Variants in NFIB observed in about 807,000 individuals in gnomAD.
The protein encoded by NFIB is nuclear factor I B, also known as nuclear factor 1 B-type.
A neutral mutation model predicts 61.5 loss-of-function variants in NFIB; 11 were observed. The ratio of observed to expected loss-of-function variants is 0.18; its 90% CI spans 0.11 to 0.30. The LOEUF (loss-of-function observed/expected upper bound fraction) is 0.30. NFIB is among the 10% of genes least tolerant of loss of function. The pLI is 1.00. For missense variants in NFIB, 471 were observed against 608.9 expected (o/e 0.77, Z 2.38); for synonymous variants, 260 against 216.5 (o/e 1.20, Z -1.76).
intron 2 of NFIB, among the ~76,000 whole-genome samples, chr9:14,299,072 T>C (rs2059609725): frequency 6.6e-6 from 1 of 152,208 alleles, no homozygotes; most frequent in East Asian, 1.9e-4. Flanking sequence ...AATTCACTAA[T>C]AGAGGGGTAT....
chr9:14,210,887 T>G (rs2050236941), intron 2 of NFIB, among the ~76,000 whole-genome samples: 1 of 152,182 alleles, frequency 6.6e-6, no homozygotes, highest in African/African-American at 2.4e-5. Flanking sequence ...AATAGCCGCA[T>G]CTCTTGTACA....
intron 2 of NFIB, among the ~76,000 whole-genome samples, chr9:14,199,381 T>C (rs964378443): frequency 6.6e-6 from 1 of 152,166 alleles, no homozygotes; most frequent in Admixed American, 6.5e-5. Flanking sequence ...GCCCAGCTAA[T>C]TGGCAACTCA....
chr9:14,154,371 G>A (rs1000537915), intron 4 of NFIB, among the ~76,000 whole-genome samples: 1 of 152,048 alleles, frequency 6.6e-6, no homozygotes, highest in Non-Finnish European at 1.5e-5. Context: ...AAGCCTTTCC[G>A]CTAAAGAAGA....
At chr9:14,352,002 C>T (rs10491777) in intron 1 of NFIB, among the ~76,000 whole-genome samples, 9,447 of 152,216 alleles carry the variant, frequency 0.062, 439 homozygotes, top group African/African-American at 0.13. Flanking sequence ...ACAGTTCTGA[C>T]GGAAGTATAT....
At chr9:14,153,338 T>C (rs1309141477) in intron 4 of NFIB, among the ~76,000 whole-genome samples, 1 of 152,046 alleles carries the variant, frequency 6.6e-6, no homozygotes, top group Non-Finnish European at 1.5e-5. Flanking sequence ...TGACAGAGTG[T>C]GTGGGAACAG....
chr9:14,455,404 T>C, the NFIB span, among the ~76,000 whole-genome samples: 1 of 152,206 alleles, frequency 6.6e-6, no homozygotes. Context: ...AAAAGTGGTA[T>C]GTCGCAATAG....
chr9:14,083,949 C>T lies in NFIB; in HGVS notation c.*4360G>A, dbSNP rs1404108066. The T allele has an allele frequency of 9.1e-6, 2 of 219,384 alleles. No individual in the cohort carries two copies. Among genetic ancestry groups the T allele is most frequent in the Non-Finnish European group, 9.2e-6 (1 of 109,222 alleles). The allele number at this position is 219,384 out of a possible 1,614,324, so 13.6% of individuals were successfully genotyped here. ...AATCACAAAAACTTTTGCTAAAGGC[C>T]GTATATACTAATAAAAAGACAGTGG... On this transcript the variant is annotated 3_prime_UTR_variant, in exon 11 of 11. Coordinates refer to ENST00000380953, the MANE Select transcript of NFIB (RefSeq NM_001190737.2).
At chr9:14,200,788 A>G (rs1455640476) in intron 2 of NFIB, among the ~76,000 whole-genome samples, 1 of 151,796 alleles carries the variant, frequency 6.6e-6, no homozygotes, top group Non-Finnish European at 1.5e-5. Context: ...CCCTCAGCAA[A>G]CTCAGCTAGG....
chr9:14,108,146 C>G (rs1348582336), intron 10 of NFIB, among the ~76,000 whole-genome samples: 3 of 152,096 alleles, frequency 2.0e-5, no homozygotes, highest in Admixed American at 6.6e-5. Flanking sequence ...GACCTCTTAT[C>G]CACTTACATA....
chr9:14,417,037 T>C, the NFIB span, among the ~76,000 whole-genome samples: 1 of 151,540 alleles, frequency 6.6e-6, no homozygotes, highest in East Asian at 1.9e-4. Flanking sequence ...GGATTACATG[T>C]GTGTGTCACC....
chr9:14,236,142 G>A (rs1013840209), intron 2 of NFIB, among the ~76,000 whole-genome samples: 7 of 152,070 alleles, frequency 4.6e-5, no homozygotes, highest in African/African-American at 4.8e-5. Flanking sequence ...ACATGTGTAC[G>A]CATTATAGCT....
chr9:14,525,436 G>A, the NFIB span, among the ~76,000 whole-genome samples: 1 of 152,082 alleles, frequency 6.6e-6, no homozygotes, highest in Admixed American at 6.6e-5. Flanking sequence ...CCTTGAAGTC[G>A]AGTGGCCTCC....
At chr9:14,321,534 C>T (rs1379820807) in intron 1 of NFIB, among the ~76,000 whole-genome samples, 1 of 152,148 alleles carries the variant, frequency 6.6e-6, no homozygotes, top group African/African-American at 2.4e-5. Flanking sequence ...GAAAAGAATG[C>T]TTCAAGAGGA....
At chr9:14,401,622 G>T (rs1205459565), upstream of NFIB, among the ~76,000 whole-genome samples, 1 of 152,140 alleles carries the variant, frequency 6.6e-6, no homozygotes, top group Non-Finnish European at 1.5e-5. Context: ...TGCAATTTCT[G>T]TACCGTGGAT....
Position 14,150,178 on chromosome 9 carries a change from T to C in NFIB, c.773A>G (p.Asn258Ser), listed in dbSNP as rs966811092. 9.3e-6 allele frequency: 15 copies of C among 1,613,490 alleles called. No homozygotes were observed. The highest frequency in any genetic ancestry group is 1.3e-5 in the Non-Finnish European group (15 of 1,179,568). The change falls in exon 5 of 11, where the codon AAT (asparagine) becomes AGT (serine). Residue 258 changes from asparagine (N) to serine (S), a missense_variant. Physicochemically the swap from Asn to Ser is conservative, Grantham distance 46. Around this residue, in one of 2 missense-constraint regions of NFIB, gnomAD observed 372 missense variants for 395.6 expected, o/e 0.94. Coordinates refer to ENST00000380953, the MANE Select transcript of NFIB (RefSeq NM_001190737.2). ...PYYHDMNSGV[N>S]LQRSLSSPPS... The stretch of plus-strand genomic sequence containing the variant: ...TGGAGAAGACAGAGACCTCTGAAGA[T>C]TGACCCCCGAGTTCATGTCATGATA...
chr9:14,258,849 T>C (rs1013396820), intron 2 of NFIB, among the ~76,000 whole-genome samples: 2 of 152,174 alleles, frequency 1.3e-5, no homozygotes, highest in Non-Finnish European at 2.9e-5. Flanking sequence ...CACAACACAC[T>C]TGCTCAACTT....
At chr9:14,250,286 G>A (rs3761668) in intron 2 of NFIB, among the ~76,000 whole-genome samples, 124,980 of 152,134 alleles carry the variant, frequency 0.82, 51,586 homozygotes, top group African/African-American at 0.85. Flanking sequence ...TTTTCTTTAT[G>A]TAAGTTCTCT....
intron 6 of NFIB, among the ~76,000 whole-genome samples, chr9:14,137,793 A>G (rs1317880525): frequency 6.6e-6 from 1 of 152,116 alleles, no homozygotes; most frequent in African/African-American, 2.4e-5. Flanking sequence ...ACTTCTACTA[A>G]AGACATTCTA....
chr9:14,155,818 T>G lies in NFIB; in HGVS notation c.685+7A>C, dbSNP rs1327605136. On this transcript the variant is annotated splice_region_variant and intron_variant, in intron 4 of 10. Transcript: ENST00000380953. Reference sequence around the variant, plus strand: ...ATGCTTAAGTAGTAACAAAACAATTTACTTACTTCTGGATACTCTTACAAG... The same window carrying G: ...ATGCTTAAGTAGTAACAAAACAATTGACTTACTTCTGGATACTCTTACAAG... 1 of 1,544,928 alleles carries G rather than the reference T, an allele frequency of 6.5e-7. No homozygotes were observed. Among genetic ancestry groups the G allele is most frequent in the East Asian group, 2.3e-5 (1 of 43,618 alleles).
Sources: allele counts gnomAD v4.1 joint callset (sites outside exome capture counted in the v4.1 genomes callset), GRCh38; gene constraint gnomAD v4.1.1; regional missense constraint gnomAD v4.1.1; transcripts MANE v1.5; gene names NCBI Gene and HGNC (gene_info 2026-07-23, HGNC 2026-07-21).